The following SH3D21 variants were observed in gnomAD, a reference collection of about 807,000 sequenced individuals.
SH3D21 encodes manchette microtubule inner protein 1, also known as SH3 domain-containing protein 21.
A neutral mutation model predicts 82.1 loss-of-function variants in SH3D21; 83 were observed. The observed-to-expected ratio is 1.01, with a 90% CI of 0.85 to 1.21. The LOEUF is 1.21. Ranked by LOEUF, SH3D21 falls within the 50% of genes most tolerant of loss-of-function variation. The pLI is 0.00. For synonymous variants in SH3D21, 383 were observed against 387.8 expected (o/e 0.99, Z 0.15); for missense variants, 980 against 962.1 (o/e 1.02, Z -0.25).
In SH3D21 at chr1:36,306,527, A is replaced by C. The variant is rs998327370; in HGVS notation, c.5-71A>C. On this transcript the variant is annotated intron_variant, in intron 1 of 15. Coordinates refer to ENST00000453908, the MANE Select transcript of SH3D21 (RefSeq NM_001162530.2). The surrounding 1 kb of genome is among the most constrained non-coding windows in gnomAD (Gnocchi z 4.5). ...GCTGCCCTCTACGGTGCTTGGGGAC[A>C]CGCCCGCCCTAGCCAGGCTGCCCGG... The C allele has an allele frequency of 3.1e-6, 4 of 1,302,888 alleles. No homozygotes were observed. Among genetic ancestry groups the C allele is most frequent in the Admixed American group, 2.3e-5 (1 of 43,466 alleles). The allele number at this position is 1,302,888 out of a possible 1,614,324, so 80.7% of individuals were successfully genotyped here.
At position 36,306,973 on chromosome 1, in the gene SH3D21, C is replaced by A; in HGVS notation, c.226+68C>A. The A allele has an allele frequency of 7.3e-7, 1 of 1,362,886 alleles. No homozygotes were observed. The highest frequency in any genetic ancestry group is 3.3e-5 in the East Asian group (1 of 30,610). The allele number at this position is 1,362,886 out of a possible 1,614,324, so 84.4% of individuals were successfully genotyped here. A position where few individuals can be genotyped will look rare whatever the true frequency, so the allele number is the denominator to read the frequency against. ...GGAGCCAGTGCGACCCCGGCGTCTC[C>A]GGCTCTTAGTGACGGGCGCGGCTCT... On this transcript the variant is annotated intron_variant, in intron 3 of 15. Coordinates refer to ENST00000453908, the MANE Select transcript of SH3D21 (RefSeq NM_001162530.2). This position sits in a 1 kb window ranked among gnomAD's most constrained non-coding sequence, Gnocchi z 4.5.
rs1432568793 is a variant in SH3D21, at chr1:36,307,199, T to C, written c.259T>C (p.Trp87Arg). ...HPAKHPRPQR[W>R]CKVNFSYSPE... ...TGCCAAACACCCGAGGCCCCAAAGA[T>C]GGTGCAAAGTGAACTTCAGCTACAG... The change falls in exon 4 of 16, where the codon TGG (tryptophan) becomes CGG (arginine). Residue 87 changes from tryptophan to arginine, a missense_variant. By Grantham distance (101) the Trp-to-Arg change is moderately radical. Transcript: ENST00000453908. This position sits in a 1 kb window ranked among gnomAD's most constrained non-coding sequence, Gnocchi z 5.4. 1 of 1,551,548 alleles carries C rather than the reference T, an allele frequency of 6.4e-7. No homozygotes were observed. The highest frequency in any genetic ancestry group is 8.7e-7 in the Non-Finnish European group (1 of 1,146,980).
downstream of SH3D21, chr1:36,321,898 G>A: frequency 9.5e-7 from 1 of 1,057,290 alleles, no homozygotes; most frequent in Non-Finnish European, 1.1e-6. The surrounding 1 kb of genome is among the most constrained non-coding windows in gnomAD (Gnocchi z 6.1). Flanking sequence ...CAGGTGTGCT[G>A]TATCGTCGGG....
chr1:36,306,768 C>T lies in SH3D21; in HGVS notation c.162+13C>T, dbSNP rs986673353. Reference sequence around the variant, plus strand: ...GCGCCTGGTGCAGGTGAGGCCGAGCCAGGGGCGGGCTGTGGGGTCTCAGCG... The same window carrying T: ...GCGCCTGGTGCAGGTGAGGCCGAGCTAGGGGCGGGCTGTGGGGTCTCAGCG... On this transcript the variant is annotated intron_variant, in intron 2 of 15. Coordinates refer to ENST00000453908, the MANE Select transcript of SH3D21 (RefSeq NM_001162530.2). This position sits in a 1 kb window ranked among gnomAD's most constrained non-coding sequence, Gnocchi z 4.5. 1.9e-5 allele frequency: 25 copies of T among 1,290,608 alleles called. No homozygotes were observed. Among genetic ancestry groups the T allele is most frequent in the Non-Finnish European group, 2.5e-5 (25 of 987,410 alleles). The allele number at this position is 1,290,608 out of a possible 1,614,324, so 79.9% of individuals were successfully genotyped here. A position where few individuals can be genotyped will look rare whatever the true frequency, so the allele number is the denominator to read the frequency against.
In SH3D21 at chr1:36,320,723, G is replaced by T. The variant is rs1179008543; in HGVS notation, c.2060G>T (p.Gly687Val). Reference protein sequence around the residue: ...PQNYTENKNEGVDVTSLRGEV... With the variant: ...PQNYTENKNEVVDVTSLRGEV... ...AACTACACGGAAAACAAGAATGAAG[G>T]AGTTGATGTAACGTCGCTGAGGGGC... The change falls in exon 14 of 16, where the codon GGA becomes GTA. Residue 687 changes from glycine (G) to valine (V), a missense_variant. Transcript: ENST00000453908. 1 of 1,613,196 alleles carries T rather than the reference G, an allele frequency of 6.2e-7. No homozygotes were observed. Among genetic ancestry groups the T allele is most frequent in the Non-Finnish European group, 8.5e-7 (1 of 1,179,550 alleles).
chr1:36,320,476 C>T lies in SH3D21; in HGVS notation c.1813C>T (p.Pro605Ser), dbSNP rs143393028. ...CGAGAGGACCCCTGAAGAGGAGGCG[C>T]CCCCCAACGAGCAGAGGCCTCTGAG... is the stretch of plus-strand genomic sequence containing the variant. ...NDERTPEEEA[P>S]PNEQRPLREE... The change falls in exon 14 of 16, where the codon CCC becomes TCC. Residue 605 changes from proline to serine, a missense_variant. By Grantham distance (74) the Pro-to-Ser change is moderately conservative (BLOSUM62 -1). Transcript: ENST00000453908. The T allele has an allele frequency of 5.0e-6, 8 of 1,613,486 alleles. No individual in the cohort carries two copies. Among genetic ancestry groups the T allele is most frequent in the African/African-American group, 1.3e-5 (1 of 74,826 alleles).
At chr1:36,323,104 TG>T, downstream of SH3D21, 1 of 1,541,760 alleles carries the variant, frequency 6.5e-7, no homozygotes, top group Non-Finnish European at 8.8e-7. Context: ...TCTCCCAGCC[TG>T]GAGCCCACCC....
downstream of SH3D21, chr1:36,322,002 GGCA>G: frequency 8.2e-7 from 1 of 1,225,858 alleles, no homozygotes; most frequent in Non-Finnish European, 1.0e-6. Flanking sequence ...GGTCGCTGGG[GGCA>G]GGAGTAACAG....
intron 10 of SH3D21, among the ~76,000 whole-genome samples, chr1:36,318,828 G>A (rs1646388472): frequency 6.6e-6 from 1 of 151,828 alleles, no homozygotes. Context: ...AGAATGGCGT[G>A]AACCAGGGAG....
chr1:36,325,905 A>G (rs890885065), downstream of SH3D21, among the ~76,000 whole-genome samples: 4 of 152,212 alleles, frequency 2.6e-5, no homozygotes, highest in Non-Finnish European at 5.9e-5. Flanking sequence ...CCTTGCCCTC[A>G]TGGAGCTGAC....
chr1:36,309,713 T>C, intron 10 of SH3D21, 123 bp downstream of exon 10: 1 of 1,066,588 alleles, frequency 9.4e-7, no homozygotes, highest in South Asian at 1.6e-5. Context: ...CCCTCACCTG[T>C]GGGTCAAAAG....
Position 36,313,967 on chromosome 1 carries a change from A to ATTTTTTTTTTTTTTTTTTTTTTTTTTTT in SH3D21, c.769+4381_769+4382insTTTTTTTTTTTTTTTTTTTTTTTTTTTT, listed in dbSNP as rs1207014644. 1.9e-4 allele frequency among the ~76,000 whole-genome samples: 7 copies of ATTTTTTTTTTTTTTTTTTTTTTTTTTTT among 36,934 alleles called. 1 individual carries two copies. Among genetic ancestry groups the ATTTTTTTTTTTTTTTTTTTTTTTTTTTT allele is most frequent in the East Asian group, 8.7e-4 (1 of 1,156 alleles). 24.2% of individuals were successfully genotyped at this position (36,934 alleles called of 152,430 possible). On this transcript the variant is annotated intron_variant, in intron 10 of 15. Transcript: ENST00000453908. ...TCTGATGGCTAATGATGCTGAACAT[A>ATTTTTTTTTTTTTTTTTTTTTTTTTTTT]TTTTCTTTTTTTTTTTTTTTTTTTT... is the stretch of plus-strand genomic sequence containing the variant.
downstream of SH3D21, among the ~76,000 whole-genome samples, chr1:36,329,898 T>A (rs1430852504): frequency 6.6e-6 from 1 of 152,006 alleles, no homozygotes; most frequent in South Asian, 2.1e-4. Flanking sequence ...TCCTTTCGCA[T>A]AGGTCTTACA....
chr1:36,323,665 G>A (rs1015841883), downstream of SH3D21: 1 of 152,042 alleles, frequency 6.6e-6, no homozygotes, highest in Non-Finnish European at 1.5e-5. Flanking sequence ...GGCGGGGCGG[G>A]GCGGGCGGGG....
chr1:36,321,317 T>A lies in SH3D21; in HGVS notation c.*190T>A. The A allele has an allele frequency of 2.8e-6, 4 of 1,432,284 alleles. No homozygotes were observed. The highest frequency in any genetic ancestry group is 3.6e-6 in the Non-Finnish European group (4 of 1,097,984). The allele number at this position is 1,432,284 out of a possible 1,614,324, so 88.7% of individuals were successfully genotyped here. The stretch of plus-strand genomic sequence containing the variant: ...TTCCTGACGGTCCCTCCCAGGCACA[T>A]CTGGCCAACATGTGGCTCCCATTAC... On this transcript the variant is annotated 3_prime_UTR_variant, in exon 16 of 16. Coordinates refer to ENST00000453908, the MANE Select transcript of SH3D21 (RefSeq NM_001162530.2). This position sits in a 1 kb window ranked among gnomAD's most constrained non-coding sequence, Gnocchi z 6.1.
Position 36,320,608 on chromosome 1 carries a change from A to G in SH3D21, c.1945A>G (p.Ile649Val). 5.0e-6 allele frequency: 8 copies of G among 1,614,248 alleles called. No homozygotes were observed. Among genetic ancestry groups the G allele is most frequent in the Non-Finnish European group, 6.8e-6 (8 of 1,180,042 alleles). ...GGCTCCAAAAGAGGAGGTGCCCCCC[A>G]TAGAAAGAGCCTTTGCCCAAAAAAC... ...EVAPKEEVPP[I>V]ERAFAQKTRP... is the part of the protein sequence containing the mutation. The change falls in exon 14 of 16, where the codon ATA (isoleucine) becomes GTA (valine). Residue 649 changes from isoleucine to valine, a missense_variant. By Grantham distance (29) the Ile-to-Val change is conservative. Coordinates refer to ENST00000453908, the MANE Select transcript of SH3D21 (RefSeq NM_001162530.2).
chr1:36,319,404 CAGAGT>C, intron 12 of SH3D21, 33 bp from the exon 13 acceptor site: 1 of 1,550,704 alleles, frequency 6.4e-7, no homozygotes, highest in Non-Finnish European at 8.7e-7. Flanking sequence ...GACTGAGGGT[CAGAGT>C]AGGCTTGGGT....
chr1:36,320,909 C>T lies in SH3D21; in HGVS notation c.2136-6C>T. 1 of 1,560,972 alleles carries T rather than the reference C, an allele frequency of 6.4e-7. No individual in the cohort carries two copies. The highest frequency in any genetic ancestry group is 8.7e-7 in the Non-Finnish European group (1 of 1,152,554). On this transcript the variant is annotated splice_polypyrimidine_tract_variant and splice_region_variant and intron_variant, in intron 14 of 15. Coordinates refer to ENST00000453908, the MANE Select transcript of SH3D21 (RefSeq NM_001162530.2). Reference sequence around the variant, plus strand: ...CCCAGCCCCTCACCTCCGCCTCGGCCCGCAGGAGGAAGCTGACCGACATCT... The same window carrying T: ...CCCAGCCCCTCACCTCCGCCTCGGCTCGCAGGAGGAAGCTGACCGACATCT...
At chr1:36,322,207 G>A (rs1361912114), downstream of SH3D21, 2 of 1,394,464 alleles carry the variant, frequency 1.4e-6, no homozygotes, top group Non-Finnish European at 9.3e-7. Flanking sequence ...GAGCTGTGGG[G>A]GCCGAGGCAG....
Sources: allele counts gnomAD v4.1 joint callset (sites outside exome capture counted in the v4.1 genomes callset), GRCh38; gene constraint gnomAD v4.1.1; non-coding constraint Gnocchi (gnomAD v3.1); transcripts MANE v1.5; gene names NCBI Gene and HGNC (gene_info 2026-07-23, HGNC 2026-07-21).